SEC61A2: variants seen among roughly 807,000 people sequenced by gnomAD.
The protein encoded by SEC61A2 is SEC61 translocon subunit alpha 2, also known as protein transport protein Sec61 subunit alpha isoform 2.
Under a neutral mutation model 59.9 loss-of-function variants are expected in SEC61A2, and 28 were observed. The observed-to-expected ratio is 0.47, with a 90% CI of 0.35 to 0.64. The LOEUF (loss-of-function observed/expected upper bound fraction) is 0.64, where lower values mean the gene tolerates loss of function less well. Ranked by LOEUF, SEC61A2 falls within the 30% of genes least tolerant of loss-of-function variation. The pLI is 0.01. For synonymous variants in SEC61A2, 202 were observed against 214.4 expected, an observed-to-expected ratio of 0.94 and a Z score of 0.50; for missense variants, 340 against 585.9, an observed-to-expected ratio of 0.58 and a Z score of 4.33.
At chr10:12,133,614 C>G (rs1280228538) in intron 2 of SEC61A2, among the ~76,000 whole-genome samples, 2 of 152,120 alleles carry the variant, frequency 1.3e-5, no homozygotes, top group Non-Finnish European at 2.9e-5. Flanking sequence ...TTTATAAATC[C>G]TGTAGTATTG....
rs1834301080 is a variant in SEC61A2 at position 12,152,564 on chromosome 10, A to C, written c.462+2603A>C. ...CACTTGAGGTCAGGAGTTTGAGACCAGTCTGGGCAACATGGTGAAACCCTG... is the reference window on the plus strand; with the variant it reads ...CACTTGAGGTCAGGAGTTTGAGACCCGTCTGGGCAACATGGTGAAACCCTG... On this transcript the variant is annotated intron_variant, in intron 6 of 11. Coordinates refer to ENST00000298428, the MANE Select transcript of SEC61A2 (RefSeq NM_018144.4). This position sits in a 1 kb window ranked among gnomAD's most constrained non-coding sequence, Gnocchi z 5.5. 6.6e-6 allele frequency among the ~76,000 whole-genome samples: 1 copy of C among 152,074 alleles called. No individual in the cohort carries two copies. Among genetic ancestry groups the C allele is most frequent in the Admixed American group, 6.6e-5 (1 of 15,266 alleles).
intron 6 of SEC61A2, among the ~76,000 whole-genome samples, chr10:12,150,776 CTT>C (rs764582648): frequency 2.8e-3 from 386 of 140,258 alleles, no homozygotes; most frequent in African/African-American, 9.2e-3. Flanking sequence ...TCCTAAGTAT[CTT>C]TTTTTTTTTT....
chr10:12,168,001 A>G, downstream of SEC61A2: 2 of 1,093,026 alleles, frequency 1.8e-6, no homozygotes, highest in Non-Finnish European at 2.4e-6. This position sits in a 1 kb window ranked among gnomAD's most constrained non-coding sequence, Gnocchi z 4.8. Context: ...CATTCCTAGC[A>G]TGAGACAAGA....
rs529878584 is a variant in SEC61A2, at chr10:12,143,397, C to G, written c.220+202C>G. Among the ~76,000 whole-genome samples the G allele has an allele frequency of 6.6e-6, 1 of 151,986 alleles. No individual in the cohort carries two copies. The highest frequency in any genetic ancestry group is 2.1e-4 in the South Asian group (1 of 4,794). ...CTTGGGTTTTCATGGACTGGAAAAC[C>G]CTGATCTTCAGTGTCAAAGAAGGTG... On this transcript the variant is annotated intron_variant, in intron 4 of 11. Coordinates refer to ENST00000298428, the MANE Select transcript of SEC61A2 (RefSeq NM_018144.4). This position sits in a 1 kb window ranked among gnomAD's most constrained non-coding sequence, Gnocchi z 4.8.
chr10:12,143,068 T>C lies in SEC61A2; in HGVS notation c.142-49T>C. 1 of 1,437,420 alleles carries C rather than the reference T, an allele frequency of 7.0e-7. No homozygotes were observed. The highest frequency in any genetic ancestry group is 9.8e-7 in the Non-Finnish European group (1 of 1,020,180). 89.0% of individuals were successfully genotyped at this position (1,437,420 alleles called of 1,614,324 possible). A position where few individuals can be genotyped will look rare whatever the true frequency, so the allele number is the denominator to read the frequency against. Reference sequence around the variant, plus strand: ...CCTGGGTTCAAGCGATTCTTATGCCTCAGCCTTATATAATACAGTTTCATA... The same window carrying C: ...CCTGGGTTCAAGCGATTCTTATGCCCCAGCCTTATATAATACAGTTTCATA... On this transcript the variant is annotated intron_variant, in intron 3 of 11. Coordinates refer to ENST00000298428, the MANE Select transcript of SEC61A2 (RefSeq NM_018144.4). This position sits in a 1 kb window ranked among gnomAD's most constrained non-coding sequence, Gnocchi z 4.8.
At chr10:12,168,848 C>T (rs1348960058), downstream of SEC61A2, among the ~76,000 whole-genome samples, 8 of 151,910 alleles carry the variant, frequency 5.3e-5, no homozygotes, top group South Asian at 2.1e-4. This position sits in a 1 kb window ranked among gnomAD's most constrained non-coding sequence, Gnocchi z 4.8. Context: ...CTGCAACCTG[C>T]GCCTCCCGGG....
Position 12,149,573 on chromosome 10 carries a change from C to G in SEC61A2, c.221-22C>G. On this transcript the variant is annotated intron_variant, in intron 4 of 11. Transcript: ENST00000298428. This position sits in a 1 kb window ranked among gnomAD's most constrained non-coding sequence, Gnocchi z 5.2. ...TATCGTGTACAGCAAACATTGCACA[C>G]TTCTCTCCCCTTCCTTTCCAGGAAC... is the stretch of plus-strand genomic sequence containing the variant. The G allele has an allele frequency of 6.3e-7, 1 of 1,589,234 alleles. No homozygotes were observed. The highest frequency in any genetic ancestry group is 8.6e-7 in the Non-Finnish European group (1 of 1,169,472).
chr10:12,155,267 ATAGAG>A lies in SEC61A2; in HGVS notation c.463-508_463-504del, dbSNP rs1392981665. Reference sequence around the variant, plus strand: ...TAGTTTTTTATTCTGTACACATTTTATAGAGTATACATATATATAATATATATAAT... The same window carrying A: ...TAGTTTTTTATTCTGTACACATTTTATATACATATATATAATATATATAAT... On this transcript the variant is annotated intron_variant, in intron 6 of 11. Coordinates refer to ENST00000298428, the MANE Select transcript of SEC61A2 (RefSeq NM_018144.4). This position sits in a 1 kb window ranked among gnomAD's most constrained non-coding sequence, Gnocchi z 4.3. The A allele has an allele frequency of 7.7e-7, 1 of 1,303,490 alleles. No homozygotes were observed. The highest frequency in any genetic ancestry group is 1.0e-6 in the Non-Finnish European group (1 of 996,048). 80.7% of individuals were successfully genotyped at this position (1,303,490 alleles called of 1,614,324 possible).
chr10:12,157,805 T>G, intron 8 of SEC61A2, 103 bp from the exon 9 acceptor site: 3 of 1,096,766 alleles, frequency 2.7e-6, no homozygotes, highest in Non-Finnish European at 4.0e-6. Context: ...CCGGCCGGCA[T>G]TGTCTTTTCA....
chr10:12,145,428 C>G lies in SEC61A2; in HGVS notation c.220+2233C>G, dbSNP rs546122684. The stretch of plus-strand genomic sequence containing the variant: ...CAAAACAGTTGTTTGATTTTACACT[C>G]TCAGCGACAGTATATGAGAATGACC... On this transcript the variant is annotated intron_variant, in intron 4 of 11. Transcript: ENST00000298428. The surrounding 1 kb of genome is among the most constrained non-coding windows in gnomAD (Gnocchi z 4.4). Among the ~76,000 whole-genome samples, 3 of 152,320 alleles carry G rather than the reference C, an allele frequency of 2.0e-5. No individual in the cohort carries two copies. The South Asian group carries it at 6.2e-4, about 32-fold the overall frequency.
chr10:12,136,397 T>A (rs1833885821), intron 3 of SEC61A2, among the ~76,000 whole-genome samples: 1 of 152,148 alleles, frequency 6.6e-6, no homozygotes, highest in Admixed American at 6.6e-5. Context: ...AACCTCTGCC[T>A]CCTGGGTTCA....
chr10:12,133,260 C>A lies in SEC61A2; in HGVS notation c.27C>A (p.Ile9=). 1 of 1,541,412 alleles carries A rather than the reference C, an allele frequency of 6.5e-7. No homozygotes were observed. The highest frequency in any genetic ancestry group is 8.9e-7 in the Non-Finnish European group (1 of 1,120,884). MGIKFLEV[I]KPFCAVLPEI... is the part of the protein sequence containing the mutation. ...TTACAGTCAAATTTTTAGAAGTTATCAAACCATTCTGTGCAGTTCTACCAG... is the reference window on the plus strand; with the variant it reads ...TTACAGTCAAATTTTTAGAAGTTATAAAACCATTCTGTGCAGTTCTACCAG... The change falls in exon 2 of 12, where the codon ATC becomes ATA. Residue 9 remains isoleucine, a synonymous_variant. Coordinates refer to ENST00000298428, the MANE Select transcript of SEC61A2 (RefSeq NM_018144.4).
At chr10:12,166,067 T>G (rs1335704009), downstream of SEC61A2, 1 of 152,244 alleles carries the variant, frequency 6.6e-6, no homozygotes, top group Non-Finnish European at 1.5e-5. Context: ...TTTTCATGTT[T>G]ATAAAAAATA....
Position 12,149,325 on chromosome 10 carries a change from G to A in SEC61A2, c.221-270G>A, listed in dbSNP as rs2131667325. 6.6e-6 allele frequency among the ~76,000 whole-genome samples: 1 copy of A among 152,248 alleles called. No homozygotes were observed. Among genetic ancestry groups the A allele is most frequent in the South Asian group, 2.1e-4 (1 of 4,818 alleles). On this transcript the variant is annotated intron_variant, in intron 4 of 11. Coordinates refer to ENST00000298428, the MANE Select transcript of SEC61A2 (RefSeq NM_018144.4). The surrounding 1 kb of genome is among the most constrained non-coding windows in gnomAD (Gnocchi z 5.2). ...GTTGGTCTCGAACTTCTGACCTCAG[G>A]TGATCCACACACCTCGGCCTCCCAA...
chr10:12,132,996 A>G (rs576714501), intron 1 of SEC61A2, among the ~76,000 whole-genome samples: 1 of 152,290 alleles, frequency 6.6e-6, no homozygotes, highest in East Asian at 1.9e-4. Flanking sequence ...TTCTGGAAAA[A>G]GGTTGCTTGG....
In SEC61A2 at chr10:12,157,005, T is replaced by C; in HGVS notation, c.715T>C (p.Leu239=). The C allele has an allele frequency of 6.2e-7, 1 of 1,614,152 alleles. No individual in the cohort carries two copies. Among genetic ancestry groups the C allele is most frequent in the Non-Finnish European group, 8.5e-7 (1 of 1,179,990 alleles). The change falls in exon 8 of 12, where the codon TTA becomes CTA. Residue 239 remains leucine, a synonymous_variant. Coordinates refer to ENST00000298428, the MANE Select transcript of SEC61A2 (RefSeq NM_018144.4). Reference sequence around the variant, plus strand: ...ACGGGAGGCTTTTTATCGGCAGAACTTACCCAATCTCATGAACCTCATTGC... The same window carrying C: ...ACGGGAGGCTTTTTATCGGCAGAACCTACCCAATCTCATGAACCTCATTGC... ...ALREAFYRQN[L]PNLMNLIATV... is the part of the protein sequence containing the mutation.
intron 2 of SEC61A2, among the ~76,000 whole-genome samples, chr10:12,134,460 G>T (rs1226714367): frequency 6.6e-6 from 1 of 152,138 alleles, no homozygotes; most frequent in Non-Finnish European, 1.5e-5. Flanking sequence ...ACCGAATCGC[G>T]TGCACATTGG....
At chr10:12,168,431 G>A (rs527442773), downstream of SEC61A2, among the ~76,000 whole-genome samples, 70 of 152,312 alleles carry the variant, frequency 4.6e-4, no homozygotes, top group African/African-American at 1.7e-3. The surrounding 1 kb of genome is among the most constrained non-coding windows in gnomAD (Gnocchi z 4.8). Context: ...ACCAGATGGT[G>A]ATGATTATGT....
chr10:12,150,027 A>G lies in SEC61A2; in HGVS notation c.462+66A>G, dbSNP rs1054188122. 11 of 1,078,280 alleles carry G rather than the reference A, an allele frequency of 1.0e-5. No homozygotes were observed. In the African/African-American group the frequency reaches 1.6e-4, roughly 15 times the overall value. 66.8% of individuals were successfully genotyped at this position (1,078,280 alleles called of 1,614,324 possible). A position where few individuals can be genotyped will look rare whatever the true frequency, so the allele number is the denominator to read the frequency against. On this transcript the variant is annotated intron_variant, in intron 6 of 11. Coordinates refer to ENST00000298428, the MANE Select transcript of SEC61A2 (RefSeq NM_018144.4). ...TTTGATTCCTTTTTCCTTTTCTAACAGTTCTTTAGGTGATTGGCTTATTCA... is the reference window on the plus strand; with the variant it reads ...TTTGATTCCTTTTTCCTTTTCTAACGGTTCTTTAGGTGATTGGCTTATTCA...
Sources: gnomAD v4.1 joint callset for allele counts (sites outside exome capture counted in the v4.1 genomes callset) on GRCh38, gnomAD v4.1.1 for gene constraint, Gnocchi (gnomAD v3.1) non-coding constraint, MANE v1.5 for transcripts, NCBI Gene and HGNC (gene_info 2026-07-23, HGNC 2026-07-21) for gene names.